The following PRKAR1B variants were observed in gnomAD, a reference collection of about 807,000 sequenced individuals.
The protein encoded by PRKAR1B is cAMP-dependent protein kinase type I-beta regulatory subunit.
PRKAR1B carries 22 observed loss-of-function variants against 46.5 expected under a neutral mutation model. That is an observed-to-expected ratio of 0.47 (90% CI 0.34 to 0.68). The LOEUF is 0.68. PRKAR1B is among the 30% of genes least tolerant of loss of function. The pLI, the probability that PRKAR1B is intolerant of heterozygous loss-of-function variation, is 0.01. For synonymous variants in PRKAR1B, 259 were observed against 217.7 expected, an observed-to-expected ratio of 1.19 and a Z score of -1.67; for missense variants, 445 against 535.6, an observed-to-expected ratio of 0.83 and a Z score of 1.67.
intron 2 of PRKAR1B, among the ~76,000 whole-genome samples, chr7:693,998 G>T (rs993520573): frequency 1.3e-5 from 2 of 152,140 alleles, no homozygotes; most frequent in African/African-American, 4.8e-5. Flanking sequence ...GCGAGACCTG[G>T]ACTCGGCCGG....
At chr7:559,664 G>A (rs1778665230) in intron 9 of PRKAR1B, among the ~76,000 whole-genome samples, 1 of 152,212 alleles carries the variant, frequency 6.6e-6, no homozygotes, top group Non-Finnish European at 1.5e-5. Flanking sequence ...CGCGTGTGCA[G>A]GCAGTGAGCC....
chr7:606,767 C>CGCGTGT (rs1554291779), intron 5 of PRKAR1B, among the ~76,000 whole-genome samples: 1 of 148,280 alleles, frequency 6.7e-6, no homozygotes, highest in Admixed American at 6.7e-5. Context: ...GAATTTTATG[C>CGCGTGT]GTGTGTGTGT....
chr7:680,472 GC>G (rs1181604306), intron 3 of PRKAR1B, 83 bp downstream of exon 3: 3 of 1,336,448 alleles, frequency 2.2e-6, no homozygotes, highest in Non-Finnish European at 3.0e-6. Context: ...GGATGAGGGT[GC>G]CCCGTGGGCT....
At chr7:704,375 C>T (rs1224395597) in intron 2 of PRKAR1B, among the ~76,000 whole-genome samples, 2 of 152,156 alleles carry the variant, frequency 1.3e-5, no homozygotes, top group African/African-American at 4.8e-5. Context: ...AGAAAACCAC[C>T]TCAGGAATGA....
chr7:651,469 TG>T (rs1458383392), intron 4 of PRKAR1B, among the ~76,000 whole-genome samples: 9 of 152,204 alleles, frequency 5.9e-5, no homozygotes, highest in African/African-American at 2.2e-4. Flanking sequence ...AGACTTCACG[TG>T]TCAACAAAAC....
At chr7:673,095 G>A (rs1786375876) in intron 4 of PRKAR1B, among the ~76,000 whole-genome samples, 1 of 123,010 alleles carries the variant, frequency 8.1e-6, no homozygotes, top group Admixed American at 9.5e-5. Flanking sequence ...CACACAGAAT[G>A]GACAGCTGGT....
intron 2 of PRKAR1B, among the ~76,000 whole-genome samples, chr7:686,337 C>T (rs934775703): frequency 6.6e-6 from 1 of 151,526 alleles, no homozygotes; most frequent in African/African-American, 2.4e-5. Context: ...GAATACAGTT[C>T]ACAATGAAAT....
chr7:589,265 C>G (rs1780843695), intron 7 of PRKAR1B, among the ~76,000 whole-genome samples: 1 of 151,740 alleles, frequency 6.6e-6, no homozygotes. Context: ...TCTCTGTCCT[C>G]CCAAATTCCT....
intron 6 of PRKAR1B, among the ~76,000 whole-genome samples, chr7:599,828 G>C (rs1781491732): frequency 6.8e-6 from 1 of 146,712 alleles, no homozygotes; most frequent in Non-Finnish European, 1.5e-5. Context: ...GTGTTTAGAA[G>C]TCAATGGTGG....
At chr7:654,139 C>T (rs1186226390) in intron 4 of PRKAR1B, among the ~76,000 whole-genome samples, 1 of 151,502 alleles carries the variant, frequency 6.6e-6, no homozygotes, top group African/African-American at 2.4e-5. Context: ...ACCATCATCA[C>T]CATCATTTCT....
At chr7:670,010 C>G (rs1290764945) in intron 4 of PRKAR1B, among the ~76,000 whole-genome samples, 3 of 151,392 alleles carry the variant, frequency 2.0e-5, no homozygotes, top group Non-Finnish European at 2.9e-5. Context: ...GGACTACAGG[C>G]TCCTGCCACC....
At chr7:647,737 G>GA (rs1235504960) in intron 4 of PRKAR1B, among the ~76,000 whole-genome samples, 2 of 146,010 alleles carry the variant, frequency 1.4e-5, no homozygotes, top group African/African-American at 5.1e-5. Flanking sequence ...ACCTGGGGGG[G>GA]CAGAGCCTGC....
At chr7:611,804 G>A (rs539882378) in intron 4 of PRKAR1B, among the ~76,000 whole-genome samples, 66 of 150,354 alleles carry the variant, frequency 4.4e-4, no homozygotes, top group African/African-American at 1.2e-3. Context: ...ATGGACAGGC[G>A]GGTGGATTGA....
intron 7 of PRKAR1B, among the ~76,000 whole-genome samples, chr7:591,175 G>A (rs1009291635): frequency 6.6e-6 from 1 of 152,236 alleles, no homozygotes; most frequent in Admixed American, 6.5e-5. Flanking sequence ...AGGGGCCCCC[G>A]GGGGAGGGCC....
At chr7:608,613 G>A (rs1476497489) in intron 4 of PRKAR1B, 2 of 53,008 alleles carry the variant, frequency 3.8e-5, no homozygotes, top group African/African-American at 9.9e-5. Flanking sequence ...TGTGTGGCAG[G>A]GCTGTAGGGA....
At chr7:588,684 A>ATGG (rs1562541963) in intron 7 of PRKAR1B, among the ~76,000 whole-genome samples, 19 of 11,286 alleles carry the variant, frequency 1.7e-3, no homozygotes, top group African/African-American at 5.4e-3. Flanking sequence ...GATGACGATG[A>ATGG]TGGTGATGGT....
intron 1 of PRKAR1B, among the ~76,000 whole-genome samples, chr7:716,030 T>A (rs1780871222): frequency 7.2e-6 from 1 of 138,082 alleles, no homozygotes; most frequent in African/African-American, 2.6e-5. Flanking sequence ...ACATTCTTTA[T>A]ATATTTTTTT....
chr7:689,472 CA>C (rs1411401557), intron 2 of PRKAR1B, among the ~76,000 whole-genome samples: 1 of 152,046 alleles, frequency 6.6e-6, no homozygotes, highest in East Asian at 1.9e-4. Flanking sequence ...TAATAATAAA[CA>C]AAAAAATTAT....
At chr7:598,530 A>ACCTT (rs1205713044) in intron 6 of PRKAR1B, among the ~76,000 whole-genome samples, 5 of 83,896 alleles carry the variant, frequency 6.0e-5, no homozygotes, top group African/African-American at 2.8e-4. Context: ...AAACACCATC[A>ACCTT]CCCTCCAGCA....
Sources: gnomAD v4.1 joint callset for allele counts (sites outside exome capture counted in the v4.1 genomes callset) on GRCh38, gnomAD v4.1.1 for gene constraint, MANE v1.5 for transcripts, NCBI Gene and HGNC (gene_info 2026-07-23, HGNC 2026-07-21) for gene names.